Variants in CCDC148 observed in about 807,000 individuals in gnomAD.
CCDC148 encodes coiled-coil domain containing 148.
Under a neutral mutation model 85.7 loss-of-function variants are expected in CCDC148, and 89 were observed. The ratio of observed to expected loss-of-function variants is 1.04; its 90% CI spans 0.87 to 1.24. CCDC148 has a LOEUF of 1.24. Among genes scored for constraint, CCDC148 ranks in the 50% most tolerant of loss-of-function variants. The pLI, the probability that CCDC148 is intolerant of heterozygous loss-of-function variation, is 0.00. For synonymous variants in CCDC148, 230 were observed against 213.9 expected, an observed-to-expected ratio of 1.08 and a Z score of -0.66; for missense variants, 692 against 671.7, an observed-to-expected ratio of 1.03 and a Z score of -0.33.
intron 11 of CCDC148, among the ~76,000 whole-genome samples, chr2:158,208,776 G>C (rs148124530): frequency 6.6e-6 from 1 of 151,998 alleles, no homozygotes; most frequent in Non-Finnish European, 1.5e-5. Context: ...GATTTTGTGG[G>C]CTACTCAAAT....
chr2:158,175,476 C>A (rs1412089775), intron 13 of CCDC148, among the ~76,000 whole-genome samples: 6 of 151,950 alleles, frequency 3.9e-5, no homozygotes, highest in Non-Finnish European at 1.5e-5. Flanking sequence ...TCATTCCCTT[C>A]TTCTTCCTAG....
chr2:158,291,367 T>A (rs900234141), intron 9 of CCDC148, among the ~76,000 whole-genome samples: 6 of 152,154 alleles, frequency 3.9e-5, no homozygotes, highest in African/African-American at 2.4e-5. Flanking sequence ...CCCTGCAACA[T>A]CTAGTACACA....
At chr2:158,328,997 G>T (rs1305882785) in intron 7 of CCDC148, among the ~76,000 whole-genome samples, 1 of 152,136 alleles carries the variant, frequency 6.6e-6, no homozygotes, top group African/African-American at 2.4e-5. Flanking sequence ...TTCTTTCGCT[G>T]TGCAGAAGCT....
chr2:158,195,878 C>G (rs12612831), intron 11 of CCDC148, among the ~76,000 whole-genome samples: 52,281 of 151,986 alleles, frequency 0.34, 9,801 homozygotes, highest in East Asian at 0.66. Context: ...GGCTTAGGAT[C>G]TCACTTCTGA....
At chr2:158,269,983 C>A (rs950396542) in intron 9 of CCDC148, among the ~76,000 whole-genome samples, 1 of 152,086 alleles carries the variant, frequency 6.6e-6, no homozygotes, top group Non-Finnish European at 1.5e-5. Context: ...GTAAGGAACA[C>A]AAGTATGCAT....
chr2:158,333,387 T>C (rs914723441), intron 7 of CCDC148, among the ~76,000 whole-genome samples: 2 of 152,156 alleles, frequency 1.3e-5, no homozygotes, highest in South Asian at 2.1e-4. Context: ...AGAGACTGTT[T>C]GTTATGATTT....
intron 11 of CCDC148, among the ~76,000 whole-genome samples, chr2:158,190,515 T>C (rs1685373000): frequency 6.6e-6 from 1 of 152,052 alleles, no homozygotes; most frequent in Non-Finnish European, 1.5e-5. Flanking sequence ...TAGAGGCACC[T>C]GTCACTTGCC....
chr2:158,208,542 C>T (rs932296352), intron 11 of CCDC148, among the ~76,000 whole-genome samples: 1 of 152,110 alleles, frequency 6.6e-6, no homozygotes, highest in African/African-American at 2.4e-5. Context: ...GGGCCCTGGG[C>T]AGGGTGGCAC....
In CCDC148 at chr2:158,338,921, T is replaced by C. The variant is rs1357213703; in HGVS notation, c.583-14A>G. 6.2e-7 allele frequency: 1 copy of C among 1,600,484 alleles called. No individual in the cohort carries two copies. The highest frequency in any genetic ancestry group is 1.4e-5 in the African/African-American group (1 of 73,904). Reference sequence around the variant, plus strand: ...ATGATCTAGAATCTGAAAAAAAGTATATGATTATTTTATTTAACATAAACG... The same window carrying C: ...ATGATCTAGAATCTGAAAAAAAGTACATGATTATTTTATTTAACATAAACG... On this transcript the variant is annotated splice_polypyrimidine_tract_variant and intron_variant, in intron 6 of 13. Coordinates refer to ENST00000283233, the MANE Select transcript of CCDC148 (RefSeq NM_138803.4).
intron 1 of CCDC148, chr2:158,419,812 A>T (rs767376417): frequency 3.9e-5 from 6 of 152,184 alleles, no homozygotes; most frequent in African/African-American, 7.2e-5. Context: ...GTGAAAATAT[A>T]CAATCTATAC....
At chr2:158,452,234 G>A (rs1283237032) in intron 1 of CCDC148, among the ~76,000 whole-genome samples, 1 of 152,132 alleles carries the variant, frequency 6.6e-6, no homozygotes, top group Non-Finnish European at 1.5e-5. Context: ...GCTACACAAA[G>A]GAAAGGGGGT....
At chr2:158,352,841 T>A (rs1462573685) in intron 2 of CCDC148, among the ~76,000 whole-genome samples, 1 of 152,048 alleles carries the variant, frequency 6.6e-6, no homozygotes, top group East Asian at 1.9e-4. Flanking sequence ...GTCGGGTTAC[T>A]CTCAAAGGGA....
intron 7 of CCDC148, among the ~76,000 whole-genome samples, chr2:158,322,412 A>G (rs1692563448): frequency 6.6e-6 from 1 of 152,108 alleles, no homozygotes; most frequent in East Asian, 1.9e-4. Flanking sequence ...ATGACACTGG[A>G]TATGATTCAA....
chr2:158,259,580 A>T lies in CCDC148; in HGVS notation c.1111-8668T>A, dbSNP rs536514174. On this transcript the variant is annotated intron_variant, in intron 9 of 13. Transcript: ENST00000283233. ...CAAACCATTGTGTACACATATATTTATTGGATTAATTTTCACACATTTTTG... is the reference window on the plus strand; with the variant it reads ...CAAACCATTGTGTACACATATATTTTTTGGATTAATTTTCACACATTTTTG... 2.6e-5 allele frequency among the ~76,000 whole-genome samples: 4 copies of T among 151,426 alleles called. No individual in the cohort carries two copies. In the South Asian group the frequency reaches 6.3e-4, roughly 24 times the overall value.
In CCDC148 at chr2:158,309,546, TAA is replaced by T; in HGVS notation, c.995_996del (p.Phe332TyrfsTer10). ...ISNWNKNKKD[F>X]IQKAVLTLTE... ...GTGAGTGTCAGCACAGCCTTCTGTATAAAGTCTTTCTTATTTTTATTCCAATT... is the reference window on the plus strand; with the variant it reads ...GTGAGTGTCAGCACAGCCTTCTGTATAGTCTTTCTTATTTTTATTCCAATT... On this transcript the variant is annotated frameshift_variant, in exon 9 of 14. Coordinates refer to ENST00000283233, the MANE Select transcript of CCDC148 (RefSeq NM_138803.4). LOFTEE classifies it high-confidence loss of function. The T allele has an allele frequency of 6.2e-7, 1 of 1,613,820 alleles. No homozygotes were observed. Among genetic ancestry groups the T allele is most frequent in the African/African-American group, 1.3e-5 (1 of 75,034 alleles).
chr2:158,285,228 C>T (rs1690561742), intron 9 of CCDC148, among the ~76,000 whole-genome samples: 2 of 147,106 alleles, frequency 1.4e-5, no homozygotes, highest in South Asian at 4.3e-4. Flanking sequence ...ACAGAGGTTG[C>T]AGCGAGCTGA....
chr2:158,357,715 T>C (rs1327712183), intron 2 of CCDC148, among the ~76,000 whole-genome samples: 3 of 152,172 alleles, frequency 2.0e-5, no homozygotes, highest in Non-Finnish European at 2.9e-5. Flanking sequence ...GAGTATCAAA[T>C]GTGCTTTGAA....
At chr2:158,284,041 C>G (rs941766466) in intron 9 of CCDC148, among the ~76,000 whole-genome samples, 1 of 148,156 alleles carries the variant, frequency 6.7e-6, no homozygotes, top group African/African-American at 2.5e-5. Context: ...AAACCAAACA[C>G]CGCATATTCT....
chr2:158,401,549 G>A lies in CCDC148; in HGVS notation c.26-42979C>T, dbSNP rs893525450. On this transcript the variant is annotated intron_variant, in intron 1 of 13. Transcript: ENST00000283233. The stretch of plus-strand genomic sequence containing the variant: ...TCACACACTGGGCCTGTTGGGTGGT[G>A]GGGGACTGGAGAGGGATAGCATTAG... 2.6e-4 allele frequency among the ~76,000 whole-genome samples: 40 copies of A among 152,138 alleles called. 1 individual carries two copies. Among genetic ancestry groups the A allele is most frequent in the African/African-American group, 9.6e-4 (40 of 41,522 alleles).
Sources: allele counts gnomAD v4.1 joint callset (sites outside exome capture counted in the v4.1 genomes callset), GRCh38; gene constraint gnomAD v4.1.1; transcripts MANE v1.5; gene names NCBI Gene and HGNC (gene_info 2026-07-23, HGNC 2026-07-21).